Variants in CDK14 observed in about 807,000 individuals in gnomAD.
CDK14 encodes the protein cyclin dependent kinase 14.
A neutral mutation model predicts 60.7 loss-of-function variants in CDK14; 34 were observed. The observed-to-expected ratio is 0.56, with a 90% CI of 0.43 to 0.75. The LOEUF (loss-of-function observed/expected upper bound fraction) is 0.75. Among genes scored for constraint, CDK14 ranks in the 30% least tolerant of loss-of-function variants. CDK14 has a pLI of 0.00. For synonymous variants in CDK14, 197 were observed against 203.7 expected (o/e 0.97, Z 0.28); for missense variants, 482 against 564.1 (o/e 0.85, Z 1.47).
intron 8 of CDK14, among the ~76,000 whole-genome samples, chr7:90,927,078 C>T (rs1333773052): frequency 6.6e-6 from 1 of 152,188 alleles, no homozygotes; most frequent in Non-Finnish European, 1.5e-5. Flanking sequence ...GTCCACAACC[C>T]AGAAGCTCTC....
intron 5 of CDK14, among the ~76,000 whole-genome samples, chr7:90,808,011 G>T (rs1204199397): frequency 6.6e-6 from 1 of 152,196 alleles, no homozygotes; most frequent in African/African-American, 2.4e-5. Context: ...AAAGTGACGA[G>T]GAGAATGGAA....
chr7:90,830,065 G>A (rs1042421963), intron 5 of CDK14, among the ~76,000 whole-genome samples: 1 of 152,152 alleles, frequency 6.6e-6, no homozygotes, highest in Non-Finnish European at 1.5e-5. Context: ...GAGAACAGCG[G>A]CCTTCTTCTC....
intron 11 of CDK14, among the ~76,000 whole-genome samples, chr7:91,050,547 T>C (rs1797361445): frequency 6.6e-6 from 1 of 152,230 alleles, no homozygotes; most frequent in African/African-American, 2.4e-5. Context: ...TACACAAAAC[T>C]TAAGCTCAGC....
chr7:90,726,044 A>G (rs551739493), intron 2 of CDK14, among the ~76,000 whole-genome samples: 1 of 152,144 alleles, frequency 6.6e-6, no homozygotes, highest in Non-Finnish European at 1.5e-5. Flanking sequence ...ATTCATTCCA[A>G]TTTGGAGATG....
intron 14 of CDK14, among the ~76,000 whole-genome samples, chr7:91,199,331 T>A (rs118070393): frequency 0.045 from 6,773 of 151,018 alleles, 183 homozygotes; most frequent in South Asian, 0.085. Context: ...TATGTTTTTT[T>A]ATTAAAAAAA....
At chr7:91,054,866 A>G (rs1797506194) in intron 11 of CDK14, among the ~76,000 whole-genome samples, 1 of 152,220 alleles carries the variant, frequency 6.6e-6, no homozygotes, top group Non-Finnish European at 1.5e-5. Context: ...AGGTCCTTGG[A>G]AAGCCAAGGT....
chr7:90,965,016 C>G (rs1049323998), intron 9 of CDK14, among the ~76,000 whole-genome samples: 2 of 152,182 alleles, frequency 1.3e-5, no homozygotes, highest in African/African-American at 4.8e-5. Flanking sequence ...TCAAACACAA[C>G]AGCAAATCTA....
intron 3 of CDK14, among the ~76,000 whole-genome samples, chr7:90,733,603 G>T (rs976228737): frequency 5.3e-5 from 8 of 152,012 alleles, no homozygotes; most frequent in African/African-American, 1.9e-4. Flanking sequence ...TAACTTTGTT[G>T]GTTTAAAGCC....
chr7:90,802,290 T>C (rs1788669986), intron 5 of CDK14, among the ~76,000 whole-genome samples: 1 of 152,240 alleles, frequency 6.6e-6, no homozygotes, highest in Admixed American at 6.5e-5. Flanking sequence ...AATAACTTTT[T>C]TTAAGACTCA....
In CDK14 at chr7:91,143,866, G is replaced by C. The variant is rs193013598; in HGVS notation, c.*28+25658G>C. Among the ~76,000 whole-genome samples, 263 of 152,290 alleles carry C rather than the reference G, an allele frequency of 1.7e-3. 2 individuals are homozygous for C. The highest frequency in any genetic ancestry group is 5.9e-4 in the Non-Finnish European group (40 of 68,024). ...GTTCTTATCCCCGTTTTGCAGAGGAGACTGAGACCTGAGCTGTTCCTTCAT... is the reference window on the plus strand; with the variant it reads ...GTTCTTATCCCCGTTTTGCAGAGGACACTGAGACCTGAGCTGTTCCTTCAT... On this transcript the variant is annotated intron_variant, in intron 14 of 14. Coordinates refer to ENST00000380050, the MANE Select transcript of CDK14 (RefSeq NM_001287135.2).
intron 14 of CDK14, among the ~76,000 whole-genome samples, chr7:91,179,686 C>T (rs944583932): frequency 3.5e-4 from 53 of 151,820 alleles, no homozygotes; most frequent in African/African-American, 1.2e-3. Context: ...GCCTGTAGTC[C>T]CAGCTACTTG....
intron 8 of CDK14, among the ~76,000 whole-genome samples, chr7:90,923,569 T>G (rs769649927): frequency 1.3e-5 from 2 of 152,234 alleles, no homozygotes; most frequent in Non-Finnish European, 2.9e-5. Flanking sequence ...TAGGGTTTGA[T>G]TGCTAAGAAT....
rs144626454 is a variant in CDK14 at position 91,045,501 on chromosome 7, G to T, written c.1042-396G>T. On this transcript the variant is annotated intron_variant, in intron 10 of 14. Coordinates refer to ENST00000380050, the MANE Select transcript of CDK14 (RefSeq NM_001287135.2). ...GATGTGGGGTAGAAATGGAAGAATT[G>T]TTGGAACTGTTAAATGATGAGACAT... Among the ~76,000 whole-genome samples the T allele has an allele frequency of 2.0e-3, 307 of 152,254 alleles. 1 individual carries two copies. Among genetic ancestry groups the T allele is most frequent in the African/African-American group, 7.0e-3 (290 of 41,544 alleles).
intron 11 of CDK14, among the ~76,000 whole-genome samples, chr7:91,073,139 G>A (rs1798202609): frequency 6.6e-6 from 1 of 152,018 alleles, no homozygotes; most frequent in African/African-American, 2.4e-5. Context: ...AGCAAGACAG[G>A]CCAACATTCA....
Position 90,802,261 on chromosome 7 carries a change from A to C in CDK14, c.544+11609A>C, listed in dbSNP as rs542746981. On this transcript the variant is annotated intron_variant, in intron 5 of 14. Transcript: ENST00000380050. ...TGTGTAGTAGGTGACAGGTTAAATTAGGTTTCTTCAAGGGTCTTAATAACT... is the reference window on the plus strand; with the variant it reads ...TGTGTAGTAGGTGACAGGTTAAATTCGGTTTCTTCAAGGGTCTTAATAACT... 1.4e-4 allele frequency among the ~76,000 whole-genome samples: 22 copies of C among 152,356 alleles called. 1 individual carries two copies. The South Asian group carries it at 4.6e-3, about 32-fold the overall frequency.
chr7:90,897,110 T>C lies in CDK14; in HGVS notation c.640-2181T>C, dbSNP rs535360700. ...CTTTGATGTTTGTCAATTTTTGCTTTTAATAATGTATCCTATTGTTAGGTG... is the reference window on the plus strand; with the variant it reads ...CTTTGATGTTTGTCAATTTTTGCTTCTAATAATGTATCCTATTGTTAGGTG... On this transcript the variant is annotated intron_variant, in intron 6 of 14. Transcript: ENST00000380050. Among the ~76,000 whole-genome samples the C allele has an allele frequency of 2.0e-3, 310 of 152,284 alleles. 13 individuals are homozygous for C. Among genetic ancestry groups the C allele is most frequent in the Non-Finnish European group, 1.2e-3 (81 of 67,966 alleles).
intron 10 of CDK14, among the ~76,000 whole-genome samples, chr7:90,992,422 C>T (rs1309687272): frequency 6.6e-6 from 1 of 152,190 alleles, no homozygotes; most frequent in Non-Finnish European, 1.5e-5. Flanking sequence ...TACGTGCTTA[C>T]TCTGGGCTAA....
intron 2 of CDK14, among the ~76,000 whole-genome samples, chr7:90,626,000 GGAA>G (rs1799867400): frequency 6.6e-6 from 1 of 152,094 alleles, no homozygotes; most frequent in Non-Finnish European, 1.5e-5. Flanking sequence ...TTTGTACTAT[GGAA>G]GAAGAACTAT....
chr7:90,775,674 C>T (rs1295447941), intron 4 of CDK14, among the ~76,000 whole-genome samples: 1 of 121,126 alleles, frequency 8.3e-6, no homozygotes, highest in African/African-American at 3.0e-5. Context: ...TCCTCCTCCT[C>T]TTCTCATTTT....
Sources: gnomAD v4.1 joint callset for allele counts (sites outside exome capture counted in the v4.1 genomes callset) on GRCh38, gnomAD v4.1.1 for gene constraint, MANE v1.5 for transcripts, NCBI Gene and HGNC (gene_info 2026-07-23, HGNC 2026-07-21) for gene names.